The following CHD9 variants were observed in gnomAD, a reference collection of about 807,000 sequenced individuals.
The protein encoded by CHD9 is ATP-dependent chromatin remodeler CHD9.
In CHD9, 77 loss-of-function variants were observed where a neutral mutation model predicts 316.1. That is an observed-to-expected ratio of 0.24 (90% CI 0.20 to 0.29). The LOEUF is 0.29. CHD9 is among the 10% of genes least tolerant of loss of function. The pLI is 1.00. For missense variants in CHD9, 2,763 were observed against 3,438.1 expected, an observed-to-expected ratio of 0.80 and a Z score of 4.91; for synonymous variants, 1,129 against 1,158.3, an observed-to-expected ratio of 0.97 and a Z score of 0.51.
chr16:53,204,042 A>AT (rs1319961821), intron 2 of CHD9, among the ~76,000 whole-genome samples: 10 of 105,110 alleles, frequency 9.5e-5, no homozygotes, highest in South Asian at 7.9e-4. Context: ...AAAAAAAAAA[A>AT]AAAAAAATAT....
Position 53,171,262 on chromosome 16 carries a change from C to CA in CHD9, c.1452+13728dup, listed in dbSNP as rs1269994192. Among the ~76,000 whole-genome samples the CA allele has an allele frequency of 5.3e-5, 8 of 151,668 alleles. No individual in the cohort carries two copies. In the South Asian group the frequency reaches 1.5e-3, roughly 28 times the overall value. On this transcript the variant is annotated intron_variant, in intron 2 of 38. Transcript: ENST00000447540. ...GAAACCCCGTCTCCACTAAAAAATA[C>CA]AAAAAAATTAGCCAGGCATGGTGGC...
At chr16:53,084,674 C>T (rs190467300) in intron 1 of CHD9, among the ~76,000 whole-genome samples, 260 of 152,272 alleles carry the variant, frequency 1.7e-3, no homozygotes, top group African/African-American at 5.7e-3. Context: ...ACCTGGGAGG[C>T]GGAGGTTGCA....
intron 1 of CHD9, among the ~76,000 whole-genome samples, chr16:53,093,343 T>C (rs1311774084): frequency 6.6e-6 from 1 of 152,236 alleles, no homozygotes; most frequent in African/African-American, 2.4e-5. Context: ...ATTGGGTTGT[T>C]GTAAAGCTTA....
chr16:53,272,632 A>G (rs913854217), intron 22 of CHD9, among the ~76,000 whole-genome samples: 1 of 152,218 alleles, frequency 6.6e-6, no homozygotes, highest in South Asian at 2.1e-4. Context: ...GAGCCTCATG[A>G]GTCAACCAGG....
chr16:53,182,192 T>C (rs1209609645), intron 2 of CHD9, among the ~76,000 whole-genome samples: 1 of 152,146 alleles, frequency 6.6e-6, no homozygotes, highest in Non-Finnish European at 1.5e-5. Context: ...TTTTTAAGGC[T>C]TTATTTTTAT....
Position 53,321,563 on chromosome 16 carries a change from G to T in CHD9, c.7751G>T (p.Cys2584Phe), listed in dbSNP as rs2057275474. The T allele has an allele frequency of 2.6e-6, 4 of 1,553,240 alleles. No individual in the cohort carries two copies. Among genetic ancestry groups the T allele is most frequent in the Non-Finnish European group, 3.5e-6 (4 of 1,144,418 alleles). ...TTTGCTCCCCCTTTGAAAGATTTAT[G>T]TAGATTCCTAAAAGAAAATTCAGAA... ...GAFAPPLKDL[C>F]RFLKENSEYG... The change falls in exon 38 of 39, where the codon TGT (cysteine) becomes TTT (phenylalanine). Residue 2584 changes from cysteine (C) to phenylalanine (F), a missense_variant. Cys to Phe is a radical substitution (Grantham distance 205). This residue lies in a region of CHD9 where 298 missense variants were observed against 380.2 expected (regional missense o/e 0.78). Coordinates refer to ENST00000447540, the MANE Select transcript of CHD9 (RefSeq NM_001308319.2).
At chr16:53,221,847 T>C (rs2152904398) in intron 3 of CHD9, among the ~76,000 whole-genome samples, 1 of 152,190 alleles carries the variant, frequency 6.6e-6, no homozygotes, top group Non-Finnish European at 1.5e-5. Flanking sequence ...CAGAAGGAAG[T>C]AGAGGCTTTT....
At position 53,306,382 on chromosome 16, in the gene CHD9, C is replaced by G. The variant is rs2055973340; in HGVS notation, c.6765C>G (p.Ala2255=). The G allele has an allele frequency of 5.0e-6, 8 of 1,585,230 alleles. No individual in the cohort carries two copies. The highest frequency in any genetic ancestry group is 6.8e-6 in the Non-Finnish European group (8 of 1,170,208). ...YILQGGYMLA[A]SYWPKDRVMI... is the part of the protein sequence containing the mutation. The stretch of plus-strand genomic sequence containing the variant: ...TACAAGGTGGATATATGCTGGCAGC[C>G]TCGTATTGGCCAAAGGTAAAGAAAT... Residue 2255 remains alanine (A), a synonymous_variant, in exon 32 of 39, where the codon GCC becomes GCG. Transcript: ENST00000447540.
chr16:53,074,739 G>A (rs575300421), intron 1 of CHD9, among the ~76,000 whole-genome samples: 12 of 152,330 alleles, frequency 7.9e-5, no homozygotes, highest in East Asian at 3.9e-4. Context: ...GGGAACCTCC[G>A]CCTAGATTTT....
At chr16:53,143,613 T>A (rs1156497751) in intron 1 of CHD9, among the ~76,000 whole-genome samples, 1 of 152,024 alleles carries the variant, frequency 6.6e-6, no homozygotes, top group African/African-American at 2.4e-5. Flanking sequence ...GGTCTCGATC[T>A]CCTGACCTCG....
intron 1 of CHD9, among the ~76,000 whole-genome samples, chr16:53,129,715 A>C (rs2039132978): frequency 6.6e-6 from 1 of 152,202 alleles, no homozygotes; most frequent in African/African-American, 2.4e-5. Flanking sequence ...AACAAACATA[A>C]AGTAGGCCGA....
chr16:53,100,453 C>CTTTTTTTT (rs61450186), intron 1 of CHD9, among the ~76,000 whole-genome samples: 28,958 of 126,774 alleles, frequency 0.23, 3,894 homozygotes, highest in Non-Finnish European at 0.34. Flanking sequence ...ACTCATTCGT[C>CTTTTTTTT]TTTTTTTTTT....
At chr16:53,072,394 C>T (rs961623617) in intron 1 of CHD9, among the ~76,000 whole-genome samples, 1 of 129,920 alleles carries the variant, frequency 7.7e-6, no homozygotes, top group African/African-American at 2.9e-5. Flanking sequence ...AATTTATCAC[C>T]ATAACTTTTT....
intron 17 of CHD9, among the ~76,000 whole-genome samples, chr16:53,251,785 G>T (rs1194778530): frequency 6.6e-6 from 1 of 152,072 alleles, no homozygotes; most frequent in Non-Finnish European, 1.5e-5. Flanking sequence ...CTTTTAACAT[G>T]TATGCATATT....
chr16:53,215,394 T>G (rs974853853), intron 3 of CHD9, among the ~76,000 whole-genome samples: 2 of 152,206 alleles, frequency 1.3e-5, no homozygotes, highest in Non-Finnish European at 2.9e-5. Flanking sequence ...CCCAAAAGCT[T>G]ATAATACAAT....
intron 1 of CHD9, among the ~76,000 whole-genome samples, chr16:53,088,374 T>G (rs2035656009): frequency 6.8e-6 from 1 of 146,342 alleles, no homozygotes; most frequent in Admixed American, 7.1e-5. Flanking sequence ...GCCTCCCAGG[T>G]TCATGCCATT....
At chr16:53,289,112 G>A (rs1248273021) in intron 27 of CHD9, among the ~76,000 whole-genome samples, 2 of 151,914 alleles carry the variant, frequency 1.3e-5, no homozygotes, top group Admixed American at 6.6e-5. Context: ...AATTTCTGAT[G>A]TATCTACTGA....
intron 29 of CHD9, 151 bp from the exon 30 acceptor site, chr16:53,296,805 A>G (rs918015529): frequency 3.0e-5 from 17 of 574,932 alleles, no homozygotes; most frequent in African/African-American, 2.6e-4. Flanking sequence ...ACTAGCATTT[A>G]AAAATGTTTT....
At chr16:53,288,127 C>A in intron 27 of CHD9, 113 bp downstream of exon 27, 1 of 760,512 alleles carries the variant, frequency 1.3e-6, no homozygotes, top group Non-Finnish European at 2.3e-6. Context: ...TTCTTCTGTT[C>A]CTCAGATTAG....
Sources: gnomAD v4.1 joint callset for allele counts (sites outside exome capture counted in the v4.1 genomes callset) on GRCh38, gnomAD v4.1.1 for gene constraint, gnomAD v4.1.1 regional missense constraint, MANE v1.5 for transcripts, NCBI Gene and HGNC (gene_info 2026-07-23, HGNC 2026-07-21) for gene names.